The following PCDHA5 variants were observed in gnomAD, a reference collection of about 807,000 sequenced individuals.
PCDHA5 encodes the protein protocadherin alpha-5.
A neutral mutation model predicts 61.6 loss-of-function variants in PCDHA5; 43 were observed. That is an observed-to-expected ratio of 0.70 (90% CI 0.55 to 0.90). The LOEUF is 0.90. PCDHA5 is among the 40% of genes least tolerant of loss of function. PCDHA5 has a pLI of 0.00. For synonymous variants in PCDHA5, 627 were observed against 543.9 expected, an observed-to-expected ratio of 1.15 and a Z score of -2.13; for missense variants, 1,298 against 1,222.7, an observed-to-expected ratio of 1.06 and a Z score of -0.92.
chr5:140,980,229 T>C (rs2096881022), intron 2 of PCDHA5, among the ~76,000 whole-genome samples: 1 of 152,232 alleles, frequency 6.6e-6, no homozygotes, highest in South Asian at 2.1e-4. Flanking sequence ...TCTGAGCTGT[T>C]GGTGGAGACA....
intron 1 of PCDHA5, chr5:140,877,000 G>C: frequency 6.2e-7 from 1 of 1,612,598 alleles, no homozygotes; most frequent in Non-Finnish European, 8.5e-7. Flanking sequence ...CTACGTGTCG[G>C]TGCACGCGGA....
chr5:140,873,262 G>T (rs1196053156), intron 1 of PCDHA5, among the ~76,000 whole-genome samples: 1 of 152,136 alleles, frequency 6.6e-6, no homozygotes, highest in Non-Finnish European at 1.5e-5. Context: ...ACTCAAAAGT[G>T]ATTAAACCAT....
chr5:140,873,568 G>T (rs1319513835), intron 1 of PCDHA5, among the ~76,000 whole-genome samples: 1 of 149,090 alleles, frequency 6.7e-6, no homozygotes, highest in East Asian at 1.9e-4. Context: ...TTTCTAGTTT[G>T]GTTGTTTAAG....
intron 1 of PCDHA5, chr5:140,824,468 T>C (rs1768131151): frequency 4.9e-6 from 2 of 410,264 alleles, no homozygotes; most frequent in Admixed American, 8.5e-5. Flanking sequence ...TATTTTATTT[T>C]ATTGTTATTT....
At position 140,969,018 on chromosome 5, in the gene PCDHA5, G is replaced by A. The variant is rs143196630; in HGVS notation, c.2353-9931G>A. On this transcript the variant is annotated intron_variant, in intron 1 of 3. Transcript: ENST00000529859. ...GGAGGCTTCTGTGGAGTAAGGGAAA[G>A]GTCCCCTGCAGAACTGTACAAACAA... 33 of 1,614,058 alleles carry A rather than the reference G, an allele frequency of 2.0e-5. 1 individual carries two copies. In the Middle Eastern group the frequency reaches 4.9e-4, roughly 24 times the overall value.
intron 1 of PCDHA5, chr5:140,828,135 T>C (rs1769546184): frequency 1.2e-6 from 2 of 1,613,866 alleles, no homozygotes; most frequent in East Asian, 4.5e-5. Flanking sequence ...CAATGTCTGC[T>C]CCTCCCGCTT....
Position 140,895,899 on chromosome 5 carries a change from C to T in PCDHA5, c.2352+71772C>T, listed in dbSNP as rs181661173. Among the ~76,000 whole-genome samples, 21 of 152,308 alleles carry T rather than the reference C, an allele frequency of 1.4e-4. No homozygotes were observed. The East Asian group carries it at 2.5e-3, about 18-fold the overall frequency. ...CGATCTCGGCTCACTGCAACCTCCGCGTCCCGGGCTCAACAATTATCCTGC... is the reference window on the plus strand; with the variant it reads ...CGATCTCGGCTCACTGCAACCTCCGTGTCCCGGGCTCAACAATTATCCTGC... On this transcript the variant is annotated intron_variant, in intron 1 of 3. Transcript: ENST00000529859.
chr5:140,834,333 T>G (rs2150215417), intron 1 of PCDHA5: 2 of 1,490,244 alleles, frequency 1.3e-6, no homozygotes, highest in Non-Finnish European at 9.1e-7. Context: ...AACATTCCTA[T>G]AAATTCGAAG....
At chr5:140,917,875 T>TC (rs1459321723) in intron 1 of PCDHA5, among the ~76,000 whole-genome samples, 11 of 152,026 alleles carry the variant, frequency 7.2e-5, no homozygotes, top group Non-Finnish European at 7.4e-5. Context: ...CTATTTGGGC[T>TC]CTTTTTTTTT....
chr5:140,917,710 G>T (rs2078316558), intron 1 of PCDHA5, among the ~76,000 whole-genome samples: 3 of 152,132 alleles, frequency 2.0e-5, no homozygotes. Flanking sequence ...TTGTAGGTGT[G>T]CAGCTTTATT....
Position 140,835,992 on chromosome 5 carries a change from G to A in PCDHA5, c.2352+11865G>A, listed in dbSNP as rs2150249786. 2.2e-5 allele frequency: 35 copies of A among 1,613,332 alleles called. No homozygotes were observed. The African/African-American group carries it at 4.4e-4, about 20-fold the overall frequency. ...GGAGCTGTTGCAGTTCCAGGTGAGC[G>A]CGCGCGATGCGGGCGTGCCGCCTCT... On this transcript the variant is annotated intron_variant, in intron 1 of 3. Transcript: ENST00000529859.
intron 1 of PCDHA5, among the ~76,000 whole-genome samples, chr5:140,918,108 A>G (rs1283760333): frequency 2.6e-5 from 4 of 152,166 alleles, no homozygotes; most frequent in Non-Finnish European, 5.9e-5. Context: ...GATCTTTCAC[A>G]TCCTTGATTA....
At chr5:141,007,395 C>CAAAAAAAAAAAAA (rs35800918) in intron 3 of PCDHA5, among the ~76,000 whole-genome samples, 1 of 94,866 alleles carries the variant, frequency 1.1e-5, no homozygotes. Flanking sequence ...TACTAAAATA[C>CAAAAAAAAAAAAA]AAAAAAAAAA....
chr5:140,889,388 A>C (rs1554183883), intron 1 of PCDHA5, among the ~76,000 whole-genome samples: 1 of 152,070 alleles, frequency 6.6e-6, no homozygotes, highest in African/African-American at 2.4e-5. Context: ...AGGACCATTC[A>C]GAGTTTAATT....
chr5:140,968,744 G>A (rs782484391), intron 1 of PCDHA5: 20 of 1,614,164 alleles, frequency 1.2e-5, no homozygotes, highest in East Asian at 2.2e-5. Context: ...CAACCTGACC[G>A]TGGTGGTCCG....
intron 1 of PCDHA5, chr5:140,884,640 A>G: frequency 6.2e-7 from 1 of 1,610,250 alleles, no homozygotes; most frequent in East Asian, 2.2e-5. Context: ...CAGAGGGAGG[A>G]GGACTCAGAA....
chr5:140,920,817 C>A (rs1430508925), intron 1 of PCDHA5, among the ~76,000 whole-genome samples: 1 of 150,498 alleles, frequency 6.6e-6, no homozygotes, highest in African/African-American at 2.5e-5. Flanking sequence ...GCACTCCAGC[C>A]TGGCGACGGA....
At chr5:140,834,099 A>C in intron 1 of PCDHA5, 1 of 391,774 alleles carries the variant, frequency 2.6e-6, no homozygotes, top group Non-Finnish European at 4.5e-6. Context: ...CAATGAAGAA[A>C]AAAATTCAGA....
chr5:140,833,279 A>C (rs1772393333), intron 1 of PCDHA5, among the ~76,000 whole-genome samples: 1 of 152,198 alleles, frequency 6.6e-6, no homozygotes, highest in Non-Finnish European at 1.5e-5. Flanking sequence ...AAACTTATTT[A>C]GGAAAGCATC....
Sources: allele counts gnomAD v4.1 joint callset (sites outside exome capture counted in the v4.1 genomes callset), GRCh38; gene constraint gnomAD v4.1.1; transcripts MANE v1.5; gene names NCBI Gene and HGNC (gene_info 2026-07-23, HGNC 2026-07-21).